SH3PXD2A: variants seen among roughly 807,000 people sequenced by gnomAD.
The protein encoded by SH3PXD2A is SH3 and PX domain-containing protein 2A.
SH3PXD2A carries 32 observed loss-of-function variants against 115.2 expected under a neutral mutation model. That is an observed-to-expected ratio of 0.28 (90% CI 0.21 to 0.37). The LOEUF (loss-of-function observed/expected upper bound fraction) is 0.37. Ranked by LOEUF, SH3PXD2A falls within the 10% of genes least tolerant of loss-of-function variation. SH3PXD2A has a pLI of 1.00. For missense variants in SH3PXD2A, 1,328 were observed against 1,498.7 expected, an observed-to-expected ratio of 0.89 and a Z score of 1.88; for synonymous variants, 610 against 629.1, an observed-to-expected ratio of 0.97 and a Z score of 0.45.
intron 6 of SH3PXD2A, among the ~76,000 whole-genome samples, chr10:103,684,505 C>T (rs756993597): frequency 2.0e-5 from 3 of 151,882 alleles, no homozygotes; most frequent in Non-Finnish European, 2.9e-5. Context: ...ATTACAGGTG[C>T]GGGCCACCAC....
At chr10:103,717,705 A>G (rs1157511262) in intron 5 of SH3PXD2A, among the ~76,000 whole-genome samples, 1 of 152,240 alleles carries the variant, frequency 6.6e-6, no homozygotes, top group Non-Finnish European at 1.5e-5. Flanking sequence ...AGAATTTAAA[A>G]TGGAACACAA....
In SH3PXD2A at chr10:103,600,769, C is replaced by CA. The variant is rs1420800493; in HGVS notation, c.*1046dup. 6.6e-6 allele frequency: 1 copy of CA among 152,224 alleles called. No homozygotes were observed. The highest frequency in any genetic ancestry group is 2.4e-5 in the African/African-American group (1 of 41,468). 9.4% of individuals were successfully genotyped at this position (152,224 alleles called of 1,614,324 possible). A position where few individuals can be genotyped will look rare whatever the true frequency, so the allele number is the denominator to read the frequency against. On this transcript the variant is annotated 3_prime_UTR_variant, in exon 15 of 15. Transcript: ENST00000369774. ...TTCTGGCAGGCGCCAAGCTCCAGCACAGTCCACACAGTGGAAACCAAATGA... is the reference window on the plus strand; with the variant it reads ...TTCTGGCAGGCGCCAAGCTCCAGCACAAGTCCACACAGTGGAAACCAAATGA...
In SH3PXD2A at chr10:103,603,047, G is replaced by A. The variant is rs748503679; in HGVS notation, c.2171C>T (p.Ser724Leu). The A allele has an allele frequency of 9.3e-6, 15 of 1,613,834 alleles. No individual in the cohort carries two copies. Among genetic ancestry groups the A allele is most frequent in the African/African-American group, 5.3e-5 (4 of 74,956 alleles). ...TSGDLKPRSASDAGIRGTPKV... is the reference protein window; with the variant it reads ...TSGDLKPRSALDAGIRGTPKV... ...GGGAGTGCCGCGGATGCCTGCGTCC[G>A]AAGCAGAGCGGGGCTTCAGGTCGCC... Residue 724 changes from serine to leucine, a missense_variant, in exon 15 of 15, where the codon TCG (serine) becomes TTG (leucine). Ser to Leu is a moderately radical substitution (Grantham distance 145). Around this residue, in one of 5 missense-constraint regions of SH3PXD2A, gnomAD observed 574 missense variants for 565.7 expected, o/e 1.01. Transcript: ENST00000369774.
intron 6 of SH3PXD2A, chr10:103,678,242 CTCCTCTGCGTGGGTCCAGACCAA>C (rs1564861544): frequency 7.5e-6 from 7 of 936,474 alleles, no homozygotes; most frequent in Non-Finnish European, 1.0e-5. Flanking sequence ...CATCCCTCCC[CTCCTCTGCGTGGGTCCAGACCAA>C]TCCCCTGAGC....
chr10:103,853,593 T>C lies in SH3PXD2A; in HGVS notation c.72+1602A>G, dbSNP rs1185425425. 2.6e-5 allele frequency among the ~76,000 whole-genome samples: 4 copies of C among 152,370 alleles called. No homozygotes were observed. The East Asian group carries it at 7.7e-4, about 29-fold the overall frequency. Reference sequence around the variant, plus strand: ...CACGCAATCTTGCCTTTCAATCCTGTCTGCAGTGGGCCCCGGTTCTAGTTT... The same window carrying C: ...CACGCAATCTTGCCTTTCAATCCTGCCTGCAGTGGGCCCCGGTTCTAGTTT... On this transcript the variant is annotated intron_variant, in intron 1 of 14. Transcript: ENST00000369774.
At chr10:103,766,244 C>G (rs547051168) in intron 3 of SH3PXD2A, among the ~76,000 whole-genome samples, 1 of 152,344 alleles carries the variant, frequency 6.6e-6, no homozygotes, top group South Asian at 2.1e-4. Flanking sequence ...CACTGTGGTC[C>G]TGACCTGTGC....
chr10:103,742,367 C>T (rs946977433), intron 3 of SH3PXD2A, among the ~76,000 whole-genome samples: 4 of 152,208 alleles, frequency 2.6e-5, no homozygotes, highest in African/African-American at 9.6e-5. Context: ...ATGCCTGTGT[C>T]CCACATCTCC....
chr10:103,661,774 C>A, intron 7 of SH3PXD2A: 1 of 985,300 alleles, frequency 1.0e-6, no homozygotes, highest in Non-Finnish European at 1.2e-6. Context: ...ACTCGCAACC[C>A]TTAAATAGAA....
chr10:103,630,213 A>C (rs1409912135), intron 8 of SH3PXD2A, among the ~76,000 whole-genome samples: 6 of 152,180 alleles, frequency 3.9e-5, no homozygotes, highest in African/African-American at 1.4e-4. Flanking sequence ...GAGGGCATGG[A>C]CTTTGCAAGG....
rs1554913265 is a variant in SH3PXD2A, at chr10:103,702,596, C to CGTGTGCGTGTGTGTGTGTGTGTGT, written c.399-9541_399-9540insACACACACACACACACACGCACAC. 3.4e-5 allele frequency among the ~76,000 whole-genome samples: 5 copies of CGTGTGCGTGTGTGTGTGTGTGTGT among 147,448 alleles called. No homozygotes were observed. The East Asian group carries it at 1.0e-3, about 30-fold the overall frequency. On this transcript the variant is annotated intron_variant, in intron 5 of 14. Coordinates refer to ENST00000369774, the MANE Select transcript of SH3PXD2A (RefSeq NM_001394015.1). ...GAACAGATGTAAGCCTGTGTGTGTGCGTGTGTGTGTGTGTGTGCATGCTGG... is the reference window on the plus strand; with the variant it reads ...GAACAGATGTAAGCCTGTGTGTGTGCGTGTGCGTGTGTGTGTGTGTGTGTGTGTGTGTGTGTGTGTGCATGCTGG...
intron 2 of SH3PXD2A, among the ~76,000 whole-genome samples, chr10:103,767,427 T>C (rs1267701688): frequency 2.6e-5 from 4 of 152,166 alleles, no homozygotes; most frequent in Admixed American, 2.6e-4. Flanking sequence ...TGTCAGGAGA[T>C]GACCCCGAGC....
chr10:103,752,435 A>G (rs2038589286), intron 3 of SH3PXD2A, among the ~76,000 whole-genome samples: 1 of 152,234 alleles, frequency 6.6e-6, no homozygotes, highest in African/African-American at 2.4e-5. Flanking sequence ...AGACGAGGGA[A>G]CTCAGGCTCA....
intron 1 of SH3PXD2A, among the ~76,000 whole-genome samples, chr10:103,851,879 G>C (rs954995750): frequency 6.6e-6 from 1 of 152,186 alleles, no homozygotes; most frequent in Non-Finnish European, 1.5e-5. Flanking sequence ...AATCCAAATA[G>C]ATACAATTTC....
intron 1 of SH3PXD2A, among the ~76,000 whole-genome samples, chr10:103,845,397 G>A (rs1842835521): frequency 6.8e-6 from 1 of 148,104 alleles, no homozygotes; most frequent in Non-Finnish European, 1.5e-5. Flanking sequence ...CAGTAAAGAA[G>A]ACGGCTAAAA....
rs200036703 is a variant in SH3PXD2A at position 103,602,989 on chromosome 10, G to A, written c.2229C>T (p.Asn743=). 2.2e-4 allele frequency: 353 copies of A among 1,614,194 alleles called. No homozygotes were observed. Among genetic ancestry groups the A allele is most frequent in the Middle Eastern group, 3.3e-4 (2 of 6,062 alleles). ...KVRAKKDADA[N]AGLTSCPRAK... Reference sequence around the variant, plus strand: ...CCCGGGGACAGGAGGTCAGCCCAGCGTTCGCATCAGCATCCTTCTTTGCCC... The same window carrying A: ...CCCGGGGACAGGAGGTCAGCCCAGCATTCGCATCAGCATCCTTCTTTGCCC... Residue 743 remains asparagine, a synonymous_variant, in exon 15 of 15, where the codon AAC becomes AAT. Coordinates refer to ENST00000369774, the MANE Select transcript of SH3PXD2A (RefSeq NM_001394015.1).
At chr10:103,643,117 G>A (rs2036978620) in intron 8 of SH3PXD2A, among the ~76,000 whole-genome samples, 1 of 152,198 alleles carries the variant, frequency 6.6e-6, no homozygotes, top group African/African-American at 2.4e-5. Context: ...AGTACCGCCT[G>A]ACGTTAGCAG....
chr10:103,673,734 A>C (rs959385974), intron 6 of SH3PXD2A, among the ~76,000 whole-genome samples: 12 of 152,188 alleles, frequency 7.9e-5, no homozygotes, highest in Non-Finnish European at 1.6e-4. Context: ...AGTTCCATCC[A>C]TCCAAACTAA....
chr10:103,602,940 G>T lies in SH3PXD2A; in HGVS notation c.2278C>A (p.Pro760Thr). 6.2e-7 allele frequency: 1 copy of T among 1,614,206 alleles called. No homozygotes were observed. The highest frequency in any genetic ancestry group is 8.5e-7 in the Non-Finnish European group (1 of 1,180,034). ...TGCGACTCTGCTCGGTTTAGGAATG[G>T]CTTGGGCCGGACCGATGGCTTGGCC... ...PRAKPSVRPK[P>T]FLNRAESQSQ... The change falls in exon 15 of 15, where the codon CCA becomes ACA. Residue 760 changes from proline to threonine, a missense_variant. Coordinates refer to ENST00000369774, the MANE Select transcript of SH3PXD2A (RefSeq NM_001394015.1).
chr10:103,732,805 G>A (rs1318874727), intron 4 of SH3PXD2A, among the ~76,000 whole-genome samples: 1 of 152,250 alleles, frequency 6.6e-6, no homozygotes, highest in Non-Finnish European at 1.5e-5. Flanking sequence ...GCTCTAGGCA[G>A]TACGTAGACA....
Sources: allele counts gnomAD v4.1 joint callset (sites outside exome capture counted in the v4.1 genomes callset), GRCh38; gene constraint gnomAD v4.1.1; regional missense constraint gnomAD v4.1.1; transcripts MANE v1.5; gene names NCBI Gene and HGNC (gene_info 2026-07-23, HGNC 2026-07-21).